The following PLCD4 variants were observed in gnomAD, a reference collection of about 807,000 sequenced individuals.
PLCD4 encodes the protein 1-phosphatidylinositol 4,5-bisphosphate phosphodiesterase delta-4.
PLCD4 carries 63 observed loss-of-function variants against 90.2 expected under a neutral mutation model. The observed-to-expected ratio is 0.70, with a 90% confidence interval of 0.57 to 0.86. PLCD4 has a LOEUF of 0.86. PLCD4 is among the 40% of genes least tolerant of loss of function. PLCD4 has a pLI of 0.00. For synonymous variants in PLCD4, 294 were observed against 356.5 expected, an observed-to-expected ratio of 0.82 and a Z score of 1.97; for missense variants, 830 against 956.3, an observed-to-expected ratio of 0.87 and a Z score of 1.74.
chr2:218,617,132 T>C (rs1168761332), intron 3 of PLCD4, among the ~76,000 whole-genome samples: 1 of 144,702 alleles, frequency 6.9e-6, no homozygotes, highest in African/African-American at 2.5e-5. Context: ...GCCCGGCTAA[T>C]TTTTCGCATT....
rs1033318541 is a variant in PLCD4, at chr2:218,635,843, G to T, written c.1944G>T (p.Gly648=). 1.2e-6 allele frequency: 2 copies of T among 1,613,810 alleles called. No homozygotes were observed. Among genetic ancestry groups the T allele is most frequent in the African/African-American group, 1.3e-5 (1 of 74,926 alleles). Reference sequence around the variant, plus strand: ...CCAAAGTGGACAAGACCAAAGAGGGGTCCATTGTGGATCCACTGGTGAAAG... The same window carrying T: ...CCAAAGTGGACAAGACCAAAGAGGGTTCCATTGTGGATCCACTGGTGAAAG... ...QLPKVDKTKE[G]SIVDPLVKVQ... Residue 648 remains glycine, a synonymous_variant, in exon 14 of 16, where the codon GGG becomes GGT. Coordinates refer to ENST00000450993, the MANE Select transcript of PLCD4 (RefSeq NM_032726.4).
rs549498596 is a variant in PLCD4 at position 218,632,557 on chromosome 2, G to A, written c.1449+245G>A. Among the ~76,000 whole-genome samples, 377 of 151,928 alleles carry A rather than the reference G, an allele frequency of 2.5e-3. 3 individuals are homozygous for A. The highest frequency in any genetic ancestry group is 8.5e-3 in the African/African-American group (354 of 41,418). On this transcript the variant is annotated intron_variant, in intron 10 of 15. Coordinates refer to ENST00000450993, the MANE Select transcript of PLCD4 (RefSeq NM_032726.4). ...CTTTTTTTTTAAAATGAAATCTTACGCAAAATAGATAAACGCAGAACCATC... is the reference window on the plus strand; with the variant it reads ...CTTTTTTTTTAAAATGAAATCTTACACAAAATAGATAAACGCAGAACCATC...
At chr2:218,610,860 G>GGA (rs939046035) in intron 1 of PLCD4, among the ~76,000 whole-genome samples, 18 of 151,776 alleles carry the variant, frequency 1.2e-4, no homozygotes, top group African/African-American at 4.1e-4. Context: ...CCCAAGTAGC[G>GGA]GAGATTATAG....
intron 6 of PLCD4, among the ~76,000 whole-genome samples, chr2:218,625,114 C>CAAAAAAAAAAAAAAAAAAAAAA (rs11325307): frequency 1.6e-5 from 1 of 61,924 alleles, no homozygotes; most frequent in Non-Finnish European, 2.9e-5. Flanking sequence ...GACTCTGTTT[C>CAAAAAAAAAAAAAAAAAAAAAA]AAAAAAAAAA....
At chr2:218,623,987 C>T (rs529615681) in intron 6 of PLCD4, among the ~76,000 whole-genome samples, 280 of 152,242 alleles carry the variant, frequency 1.8e-3, no homozygotes, top group African/African-American at 6.3e-3. Flanking sequence ...CTGGCATCTA[C>T]GTACCTTTTC....
At position 218,622,809 on chromosome 2, in the gene PLCD4, C is replaced by G; in HGVS notation, c.703C>G (p.Gln235Glu). ...LEFLDFLQEE[Q>E]KERDCTSELA... The stretch of plus-strand genomic sequence containing the variant: ...ATTTTTGGATTTCCTCCAAGAGGAG[C>G]AGAAGGAGAGAGACTGCACCTCTGA... Residue 235 changes from glutamine (Q) to glutamate (E), a missense_variant, in exon 6 of 16, where the codon CAG becomes GAG. Transcript: ENST00000450993. 1 of 1,613,998 alleles carries G rather than the reference C, an allele frequency of 6.2e-7. No homozygotes were observed. The highest frequency in any genetic ancestry group is 1.7e-5 in the Admixed American group (1 of 60,016).
chr2:218,615,395 T>A (rs1695531959), intron 1 of PLCD4, among the ~76,000 whole-genome samples: 1 of 152,034 alleles, frequency 6.6e-6, no homozygotes, highest in African/African-American at 2.4e-5. Context: ...TCCAGCAAGA[T>A]GTTAGTTCCT....
At chr2:218,618,433 A>G in intron 3 of PLCD4, 146 bp from the exon 4 acceptor site, 1 of 672,532 alleles carries the variant, frequency 1.5e-6, no homozygotes, top group East Asian at 2.7e-5. Context: ...ATCTCTCTGT[A>G]CTAATGCTTT....
Position 218,615,401 on chromosome 2 carries a change from T to C in PLCD4, c.-33-306T>C, listed in dbSNP as rs1274180530. Among the ~76,000 whole-genome samples, 4 of 152,188 alleles carry C rather than the reference T, an allele frequency of 2.6e-5. No homozygotes were observed. The South Asian group carries it at 8.3e-4, about 32-fold the overall frequency. On this transcript the variant is annotated intron_variant, in intron 1 of 15. Coordinates refer to ENST00000450993, the MANE Select transcript of PLCD4 (RefSeq NM_032726.4). Reference sequence around the variant, plus strand: ...AAAGGGACATCCAGCAAGATGTTAGTTCCTAATAATGAGAGGGTGGGGAGT... The same window carrying C: ...AAAGGGACATCCAGCAAGATGTTAGCTCCTAATAATGAGAGGGTGGGGAGT...
chr2:218,616,332 T>G (rs1695576938), intron 3 of PLCD4, among the ~76,000 whole-genome samples: 2 of 152,202 alleles, frequency 1.3e-5, no homozygotes, highest in African/African-American at 4.8e-5. Context: ...GTTATTATAA[T>G]AAGACCATGA....
rs558147396 is a variant in PLCD4 at position 218,637,129 on chromosome 2, G to C, written c.*552G>C. On this transcript the variant is annotated 3_prime_UTR_variant, in exon 16 of 16. Transcript: ENST00000450993. Reference sequence around the variant, plus strand: ...GCACAGCACTCAAAGTCCCCCACTGGACTGCTTCCTCCTTAGCCCCACTGG... The same window carrying C: ...GCACAGCACTCAAAGTCCCCCACTGCACTGCTTCCTCCTTAGCCCCACTGG... 1 of 318,976 alleles carries C rather than the reference G, an allele frequency of 3.1e-6. No individual in the cohort carries two copies. Among genetic ancestry groups the C allele is most frequent in the African/African-American group, 2.2e-5 (1 of 46,034 alleles). The allele number at this position is 318,976 out of a possible 1,614,324, so 19.8% of individuals were successfully genotyped here. A position where few individuals can be genotyped will look rare whatever the true frequency, so the allele number is the denominator to read the frequency against.
chr2:218,614,777 C>A (rs1402506599), intron 1 of PLCD4, among the ~76,000 whole-genome samples: 1 of 151,882 alleles, frequency 6.6e-6, no homozygotes, highest in African/African-American at 2.4e-5. Flanking sequence ...AAAGAGGTAC[C>A]CTTTTTTGGT....
At chr2:218,623,593 T>C (rs1027389890) in intron 6 of PLCD4, among the ~76,000 whole-genome samples, 22 of 152,244 alleles carry the variant, frequency 1.4e-4, no homozygotes, top group African/African-American at 4.3e-4. Flanking sequence ...TAGTCCTCAG[T>C]ACAACTTTGC....
chr2:218,632,548 A>G (rs1696437258), intron 10 of PLCD4, among the ~76,000 whole-genome samples: 1 of 152,138 alleles, frequency 6.6e-6, no homozygotes, highest in South Asian at 2.1e-4. Context: ...TTTTAAAATG[A>G]AATCTTACGC....
At position 218,634,345 on chromosome 2, in the gene PLCD4, G is replaced by T. The variant is rs1696584167; in HGVS notation, c.1724-113G>T. The T allele has an allele frequency of 6.4e-6, 10 of 1,572,574 alleles. No individual in the cohort carries two copies. The highest frequency in any genetic ancestry group is 1.8e-5 in the Admixed American group (1 of 55,570). On this transcript the variant is annotated intron_variant, in intron 12 of 15. Transcript: ENST00000450993. This position sits in a 1 kb window ranked among gnomAD's most constrained non-coding sequence, Gnocchi z 4.0. The stretch of plus-strand genomic sequence containing the variant: ...TGCTAGGCTGAGAAATGCTATCAGT[G>T]GATATTACCAGCAGGTACCGTGCAC...
At chr2:218,621,020 C>T (rs1445672335) in intron 4 of PLCD4, among the ~76,000 whole-genome samples, 2 of 152,080 alleles carry the variant, frequency 1.3e-5, no homozygotes, top group African/African-American at 2.4e-5. Context: ...ACCTCCACCT[C>T]CTTGATTCAA....
intron 6 of PLCD4, among the ~76,000 whole-genome samples, chr2:218,626,395 C>T (rs1696122452): frequency 6.6e-6 from 1 of 152,162 alleles, no homozygotes; most frequent in South Asian, 2.1e-4. Flanking sequence ...CTCCTTGTAG[C>T]AACATTATTC....
chr2:218,619,568 C>T (rs910686608), intron 4 of PLCD4, among the ~76,000 whole-genome samples: 1 of 151,922 alleles, frequency 6.6e-6, no homozygotes, highest in Non-Finnish European at 1.5e-5. Context: ...GCTGGGATTA[C>T]AGGCATGAGC....
At position 218,618,686 on chromosome 2, in the gene PLCD4, G is replaced by A. The variant is rs979674650; in HGVS notation, c.289G>A (p.Gly97Ser). 1 of 1,613,702 alleles carries A rather than the reference G, an allele frequency of 6.2e-7. No homozygotes were observed. Among genetic ancestry groups the A allele is most frequent in the African/African-American group, 1.3e-5 (1 of 74,936 alleles). ...GCAGGGCTTCACCATTGTCTTCCAT[G>A]GCCGCCGCTCCAACCTGGACCTGAT... ...LEQGFTIVFH[G>S]RRSNLDLMAN... is the part of the protein sequence containing the mutation. The change falls in exon 4 of 16, where the codon GGC (glycine) becomes AGC (serine). Residue 97 changes from glycine (G) to serine (S), a missense_variant. Gly to Ser is a moderately conservative substitution (Grantham distance 56). Coordinates refer to ENST00000450993, the MANE Select transcript of PLCD4 (RefSeq NM_032726.4).
Sources: gnomAD v4.1 joint callset for allele counts (sites outside exome capture counted in the v4.1 genomes callset) on GRCh38, gnomAD v4.1.1 for gene constraint, Gnocchi (gnomAD v3.1) non-coding constraint, MANE v1.5 for transcripts, NCBI Gene and HGNC (gene_info 2026-07-23, HGNC 2026-07-21) for gene names.